The following JMJD1C variants were observed in gnomAD, a reference collection of about 807,000 sequenced individuals.
The protein encoded by JMJD1C is jumonji domain-containing protein 1C.
Under a neutral mutation model 245.3 loss-of-function variants are expected in JMJD1C, and 31 were observed. The ratio of observed to expected loss-of-function variants is 0.13; its 90% confidence interval spans 0.09 to 0.17. The LOEUF (loss-of-function observed/expected upper bound fraction) is 0.17. JMJD1C is among the 10% of genes least tolerant of loss of function. JMJD1C has a pLI of 1.00. For missense variants in JMJD1C, 2,691 were observed against 3,000.2 expected (o/e 0.90, Z 2.41); for synonymous variants, 1,057 against 1,017.4 (o/e 1.04, Z -0.74).
intron 2 of JMJD1C, among the ~76,000 whole-genome samples, chr10:63,281,179 C>T (rs1376321591): frequency 2.7e-5 from 4 of 146,752 alleles, no homozygotes; most frequent in Non-Finnish European, 6.0e-5. Context: ...CTGTCGCCCA[C>T]GCTGAAGTGC....
At chr10:63,400,333 C>A (rs1365418222) in intron 1 of JMJD1C, among the ~76,000 whole-genome samples, 2 of 152,096 alleles carry the variant, frequency 1.3e-5, no homozygotes, top group African/African-American at 4.8e-5. Flanking sequence ...GAGGTTATAC[C>A]ACTCTGCATT....
chr10:63,438,823 T>C (rs578197997), intron 1 of JMJD1C, among the ~76,000 whole-genome samples: 4 of 152,312 alleles, frequency 2.6e-5, no homozygotes, highest in South Asian at 4.1e-4. Flanking sequence ...CGGAGAGGCA[T>C]TCTCTGGCTC....
intron 8 of JMJD1C, among the ~76,000 whole-genome samples, chr10:63,211,928 T>C (rs1847406920): frequency 6.6e-6 from 1 of 151,102 alleles, no homozygotes; most frequent in Admixed American, 6.6e-5. Flanking sequence ...AACCCAAATG[T>C]CCACTGACAG....
intron 1 of JMJD1C, among the ~76,000 whole-genome samples, chr10:63,451,096 G>A (rs1419734043): frequency 6.6e-6 from 1 of 151,526 alleles, no homozygotes; most frequent in African/African-American, 2.4e-5. Flanking sequence ...AAGAAACCAA[G>A]GAGACAAATG....
At chr10:63,383,348 C>T (rs1014037351) in intron 1 of JMJD1C, among the ~76,000 whole-genome samples, 2 of 152,054 alleles carry the variant, frequency 1.3e-5, no homozygotes, top group African/African-American at 4.8e-5. Context: ...ACTATCCATA[C>T]CAAGTCAAGG....
At chr10:63,386,554 C>G (rs1177153471) in intron 1 of JMJD1C, among the ~76,000 whole-genome samples, 2 of 152,214 alleles carry the variant, frequency 1.3e-5, no homozygotes, top group African/African-American at 4.8e-5. Context: ...GATTACCTTG[C>G]TTAGTCTACC....
chr10:63,208,313 C>A lies in JMJD1C; in HGVS notation c.3356G>T (p.Gly1119Val), dbSNP rs764588332. The A allele has an allele frequency of 6.2e-7, 1 of 1,613,990 alleles. No individual in the cohort carries two copies. Among genetic ancestry groups the A allele is most frequent in the Non-Finnish European group, 8.5e-7 (1 of 1,179,990 alleles). Residue 1119 changes from glycine to valine, a missense_variant, in exon 10 of 26, where the codon GGT (glycine) becomes GTT (valine). By Grantham distance (109) the Gly-to-Val change is moderately radical. This residue lies in a region of JMJD1C where 1,562 missense variants were observed against 1,490.7 expected (regional missense o/e 1.05). Transcript: ENST00000399262. The part of the protein sequence containing the change: ...YPSKEVSNIY[G>V]DKQSNALAAA... ...TGCAAGGGCATTACTCTGTTTATCA[C>A]CGTAAATATTTGAAACTTCTTTGGA...
chr10:63,284,372 C>T (rs1857736306), intron 2 of JMJD1C, among the ~76,000 whole-genome samples: 1 of 152,016 alleles, frequency 6.6e-6, no homozygotes, highest in African/African-American at 2.4e-5. Context: ...TTAGATTGAG[C>T]TTTGTTATGC....
intron 3 of JMJD1C, among the ~76,000 whole-genome samples, chr10:63,240,469 T>TA (rs1851346790): frequency 6.6e-6 from 1 of 152,224 alleles, no homozygotes; most frequent in African/African-American, 2.4e-5. Context: ...ACTTGAATAT[T>TA]AAATGCAGTA....
chr10:63,202,518 T>C lies in JMJD1C; in HGVS notation c.5075-1841A>G, dbSNP rs866233859. The C allele has an allele frequency of 1.5e-4, 152 of 985,448 alleles. 1 individual carries two copies. In the Middle Eastern group the frequency reaches 5.7e-3, roughly 37 times the overall value. 61.0% of individuals were successfully genotyped at this position (985,448 alleles called of 1,614,324 possible). A position where few individuals can be genotyped will look rare whatever the true frequency, so the allele number is the denominator to read the frequency against. Reference sequence around the variant, plus strand: ...GCAGAAACTTACAAAGCACTGTGTTTAAATAAACCATATAGAGTGACCCAT... The same window carrying C: ...GCAGAAACTTACAAAGCACTGTGTTCAAATAAACCATATAGAGTGACCCAT... On this transcript the variant is annotated intron_variant, in intron 10 of 25. Transcript: ENST00000399262.
intron 3 of JMJD1C, among the ~76,000 whole-genome samples, chr10:63,263,056 T>A (rs576909254): frequency 2.0e-5 from 3 of 152,308 alleles, no homozygotes; most frequent in African/African-American, 4.8e-5. Context: ...ATTCACCTAC[T>A]CTAACTCCCT....
chr10:63,431,974 T>C lies in JMJD1C; in HGVS notation c.168+33521A>G, dbSNP rs541820833. The stretch of plus-strand genomic sequence containing the variant: ...TTGCGGTGAGCCAAGATGGCGTCAC[T>C]GCACTCCAGCCTGGCGACAGAGCAA... On this transcript the variant is annotated intron_variant, in intron 1 of 25. Transcript: ENST00000399262. Among the ~76,000 whole-genome samples, 13 of 152,306 alleles carry C rather than the reference T, an allele frequency of 8.5e-5. No homozygotes were observed. The East Asian group carries it at 2.1e-3, about 25-fold the overall frequency.
intron 2 of JMJD1C, among the ~76,000 whole-genome samples, chr10:63,379,611 C>T (rs1179242164): frequency 6.6e-6 from 1 of 152,156 alleles, no homozygotes; most frequent in Non-Finnish European, 1.5e-5. Flanking sequence ...AAGAATTACT[C>T]GTTATTAAAT....
intron 2 of JMJD1C, among the ~76,000 whole-genome samples, chr10:63,276,340 C>A (rs900904448): frequency 8.6e-5 from 13 of 151,994 alleles, no homozygotes; most frequent in Admixed American, 7.9e-4. Context: ...GTGGCGGGTG[C>A]CTGTAGTCCC....
intron 23 of JMJD1C, chr10:63,177,369 T>A (rs1368179165): frequency 1.5e-5 from 4 of 267,500 alleles, no homozygotes; most frequent in Non-Finnish European, 2.9e-5. Flanking sequence ...TCCTACCTTC[T>A]TTAGACGTTT....
chr10:63,408,227 C>T (rs552132725), intron 1 of JMJD1C, among the ~76,000 whole-genome samples: 1 of 152,092 alleles, frequency 6.6e-6, no homozygotes, highest in South Asian at 2.1e-4. Context: ...CACGGTGAAA[C>T]CCCCTCTCTA....
intron 1 of JMJD1C, among the ~76,000 whole-genome samples, chr10:63,491,429 G>C (rs1188252459): frequency 6.6e-6 from 1 of 152,080 alleles, no homozygotes; most frequent in Non-Finnish European, 1.5e-5. Context: ...TAGTAAGATG[G>C]AATCTGCACC....
At chr10:63,269,168 G>A (rs1414355614) in intron 2 of JMJD1C, 1 of 985,312 alleles carries the variant, frequency 1.0e-6, no homozygotes, top group Non-Finnish European at 1.2e-6. Flanking sequence ...TACTCTGTCT[G>A]CGTGGAAACA....
At chr10:63,288,645 G>A (rs1225081177) in intron 2 of JMJD1C, among the ~76,000 whole-genome samples, 2 of 152,080 alleles carry the variant, frequency 1.3e-5, no homozygotes, top group African/African-American at 2.4e-5. Flanking sequence ...GCTCACACCC[G>A]TAATCCCAGC....
Sources: allele counts gnomAD v4.1 joint callset (sites outside exome capture counted in the v4.1 genomes callset), GRCh38; gene constraint gnomAD v4.1.1; regional missense constraint gnomAD v4.1.1; transcripts MANE v1.5; gene names NCBI Gene and HGNC (gene_info 2026-07-23, HGNC 2026-07-21).